Variants in ZNF226 observed in about 807,000 individuals in gnomAD.
The protein encoded by ZNF226 is zinc finger protein 226, also known as Kruppel-associated box protein.
A neutral mutation model predicts 11.4 loss-of-function variants in ZNF226; 6 were observed. The ratio of observed to expected loss-of-function variants is 0.53; its 90% CI spans 0.29 to 1.04. The LOEUF (loss-of-function observed/expected upper bound fraction) is 1.04. Ranked by LOEUF, ZNF226 falls within the 50% of genes least tolerant of loss-of-function variation. The pLI, the probability that ZNF226 is intolerant of heterozygous loss-of-function variation, is 0.08. For missense variants in ZNF226, 1,058 were observed against 956.5 expected, an observed-to-expected ratio of 1.11 and a Z score of -1.40; for synonymous variants, 350 against 322.8, an observed-to-expected ratio of 1.08 and a Z score of -0.90.
chr19:44,172,349 G>T, intron 4 of ZNF226, 135 bp downstream of exon 4: 1 of 1,213,756 alleles, frequency 8.2e-7, no homozygotes, highest in Non-Finnish European at 1.1e-6. Context: ...GGATGTTTCT[G>T]GTCTTTCTGA....
Position 44,177,157 on chromosome 19 carries a change from C to T in ZNF226, c.1895C>T (p.Ala632Val), listed in dbSNP as rs1599739671. The T allele has an allele frequency of 1.9e-6, 3 of 1,612,520 alleles. No individual in the cohort carries two copies. Among genetic ancestry groups the T allele is most frequent in the Non-Finnish European group, 2.5e-6 (3 of 1,179,644 alleles). The change falls in exon 6 of 6, where the codon GCC (alanine) becomes GTC (valine). Residue 632 changes from alanine to valine, a missense_variant. Ala to Val is a moderately conservative substitution (Grantham distance 64). Coordinates refer to ENST00000337433, the MANE Select transcript of ZNF226 (RefSeq NM_001032373.2). Reference sequence around the variant, plus strand: ...TTCAGGCAGGCCTCAAATCTTTTGGCCCATCAGAGAGTCCACAGTGGAGAA... The same window carrying T: ...TTCAGGCAGGCCTCAAATCTTTTGGTCCATCAGAGAGTCCACAGTGGAGAA... The part of the protein sequence containing the change: ...KVFRQASNLL[A>V]HQRVHSGEKP...
the ZNF226 span, among the ~76,000 whole-genome samples, chr19:44,185,246 A>C: frequency 6.6e-6 from 1 of 152,244 alleles, no homozygotes; most frequent in South Asian, 2.1e-4. Context: ...TCCTGCTTTG[A>C]GTTCTTTTGG....
the ZNF226 span, among the ~76,000 whole-genome samples, chr19:44,187,612 T>C: frequency 6.6e-6 from 1 of 151,944 alleles, no homozygotes; most frequent in South Asian, 2.1e-4. This position sits in a 1 kb window ranked among gnomAD's most constrained non-coding sequence, Gnocchi z 4.0. Context: ...TTAAAAGTTA[T>C]TTTCTTCTCT....
Position 44,176,982 on chromosome 19 carries a change from C to T in ZNF226, c.1720C>T (p.Leu574Phe), listed in dbSNP as rs1970747128. Reference protein sequence around the residue: ...CGQGFNQSSRLQIHQLIHTGE... With the variant: ...CGQGFNQSSRFQIHQLIHTGE... The stretch of plus-strand genomic sequence containing the variant: ...GCAGGGTTTCAATCAGAGCTCACGA[C>T]TTCAGATTCACCAGCTGATCCATAC... The change falls in exon 6 of 6, where the codon CTT becomes TTT. Residue 574 changes from leucine to phenylalanine, a missense_variant. Coordinates refer to ENST00000337433, the MANE Select transcript of ZNF226 (RefSeq NM_001032373.2). 9.3e-6 allele frequency: 15 copies of T among 1,613,976 alleles called. No individual in the cohort carries two copies. Among genetic ancestry groups the T allele is most frequent in the Non-Finnish European group, 1.1e-5 (13 of 1,179,876 alleles).
Position 44,172,843 on chromosome 19 carries a change from A to G in ZNF226, c.143-17A>G, listed in dbSNP as rs764085590. On this transcript the variant is annotated splice_polypyrimidine_tract_variant and intron_variant, in intron 4 of 5. Transcript: ENST00000337433. The stretch of plus-strand genomic sequence containing the variant: ...CTAATATGTTCATTTTCAACTTGTG[A>G]TTTGGCATTTTCACAGGGCATCCAC... The G allele has an allele frequency of 1.9e-6, 3 of 1,580,112 alleles. No homozygotes were observed. Among genetic ancestry groups the G allele is most frequent in the Non-Finnish European group, 2.6e-6 (3 of 1,161,480 alleles).
In ZNF226 at chr19:44,176,263, C is replaced by T. The variant is rs1568571981; in HGVS notation, c.1001C>T (p.Pro334Leu). The T allele has an allele frequency of 6.2e-7, 1 of 1,614,154 alleles. No homozygotes were observed. ...THQKVHVIEK[P>L]YKCKQCGKGF... ...CAGAAAGTCCACGTGATAGAGAAAC[C>T]ATACAAATGTAAGCAATGTGGGAAA... is the stretch of plus-strand genomic sequence containing the variant. The change falls in exon 6 of 6, where the codon CCA (proline) becomes CTA (leucine). Residue 334 changes from proline to leucine, a missense_variant. Coordinates refer to ENST00000337433, the MANE Select transcript of ZNF226 (RefSeq NM_001032373.2).
intron 3 of ZNF226, among the ~76,000 whole-genome samples, 172 bp downstream of exon 3, chr19:44,170,267 C>T (rs975373197): frequency 2.0e-5 from 3 of 152,012 alleles, no homozygotes; most frequent in African/African-American, 2.4e-5. Flanking sequence ...AGTTTTATTT[C>T]GTCATTTTTA....
Position 44,176,681 on chromosome 19 carries a change from GTCA to G in ZNF226, c.1421_1423del (p.Ser474del). 6.2e-7 allele frequency: 1 copy of G among 1,613,696 alleles called. No individual in the cohort carries two copies. The highest frequency in any genetic ancestry group is 8.5e-7 in the Non-Finnish European group (1 of 1,179,938). On this transcript the variant is annotated inframe_deletion, in exon 6 of 6. Transcript: ENST00000337433. ...ATCAGGGAGTTCACACTGGAGAGAA[GTCA>G]TACATATGTACTGTATGTGGGAAAG...
chr19:44,166,204 C>CT (rs1568561037), intron 2 of ZNF226, among the ~76,000 whole-genome samples: 1 of 152,058 alleles, frequency 6.6e-6, no homozygotes, highest in Admixed American at 6.6e-5. Context: ...TATTCTATGA[C>CT]TTTTAAAAAA....
Position 44,172,893 on chromosome 19 carries a change from T to C in ZNF226, c.176T>C (p.Ile59Thr). The change falls in exon 5 of 6, where the codon ATA becomes ACA. Residue 59 changes from isoleucine to threonine, a missense_variant. Coordinates refer to ENST00000337433, the MANE Select transcript of ZNF226 (RefSeq NM_001032373.2). ...HPPFKQDVSPIERNEQLWIMT... is the reference protein window; with the variant it reads ...HPPFKQDVSPTERNEQLWIMT... The stretch of plus-strand genomic sequence containing the variant: ...CCCTTCAAACAAGATGTATCACCTA[T>C]AGAAAGAAATGAGCAGCTTTGGATA... The C allele has an allele frequency of 6.2e-7, 1 of 1,606,210 alleles. No homozygotes were observed. Among genetic ancestry groups the C allele is most frequent in the Non-Finnish European group, 8.5e-7 (1 of 1,176,318 alleles).
chr19:44,186,551 A>G, the ZNF226 span, among the ~76,000 whole-genome samples: 1 of 152,114 alleles, frequency 6.6e-6, no homozygotes, highest in East Asian at 1.9e-4. Flanking sequence ...CTAACTTTGT[A>G]TCTTGCAACT....
In ZNF226 at chr19:44,176,107, G is replaced by C. The variant is rs1250551319; in HGVS notation, c.845G>C (p.Cys282Ser). The C allele has an allele frequency of 1.2e-6, 2 of 1,614,030 alleles. No homozygotes were observed. Among genetic ancestry groups the C allele is most frequent in the African/African-American group, 1.3e-5 (1 of 74,912 alleles). Residue 282 changes from cysteine (C) to serine (S), a missense_variant, in exon 6 of 6, where the codon TGT (cysteine) becomes TCT (serine). Transcript: ENST00000337433. ...QLQSGEKSLT[C>S]VERGKGFCYS... is the part of the protein sequence containing the mutation. The stretch of plus-strand genomic sequence containing the variant: ...CAATCAGGAGAGAAGTCTCTTACAT[G>C]TGTTGAGCGTGGAAAAGGCTTCTGT...
chr19:44,182,890 T>A (rs536027828), downstream of ZNF226, among the ~76,000 whole-genome samples: 4 of 152,324 alleles, frequency 2.6e-5, no homozygotes, highest in South Asian at 8.3e-4. Context: ...ACTGAATCCC[T>A]GCTTGATTTG....
chr19:44,175,220 A>G, intron 5 of ZNF226: 3 of 1,403,220 alleles, frequency 2.1e-6, no homozygotes, highest in Non-Finnish European at 2.8e-6. Context: ...TTATGGTAGG[A>G]AAGACATGGA....
chr19:44,191,223 C>A, the ZNF226 span, among the ~76,000 whole-genome samples: 3 of 152,114 alleles, frequency 2.0e-5, no homozygotes, highest in South Asian at 6.2e-4. Flanking sequence ...ATTGCAGATA[C>A]CTTTAGAGAA....
At chr19:44,190,586 C>T in the ZNF226 span, among the ~76,000 whole-genome samples, 10 of 152,078 alleles carry the variant, frequency 6.6e-5, no homozygotes, top group South Asian at 2.1e-4. Context: ...CCGCCCGCCT[C>T]GGCCTCCCAA....
the ZNF226 span, among the ~76,000 whole-genome samples, chr19:44,192,118 T>A: frequency 6.6e-6 from 1 of 152,202 alleles, no homozygotes; most frequent in Non-Finnish European, 1.5e-5. Context: ...AGTAAAAGAA[T>A]GTGGAATTTA....
downstream of ZNF226, among the ~76,000 whole-genome samples, chr19:44,181,094 C>T (rs1970900263): frequency 6.6e-6 from 1 of 152,188 alleles, no homozygotes; most frequent in Non-Finnish European, 1.5e-5. Flanking sequence ...CAAGTTTCAA[C>T]TCAGCCAGGT....
intron 2 of ZNF226, among the ~76,000 whole-genome samples, chr19:44,168,247 G>GT (rs71171212): frequency 3.7e-4 from 54 of 146,860 alleles, no homozygotes; most frequent in Middle Eastern, 6.9e-3. Context: ...TTTTTGTTTT[G>GT]TTTTTTTTTT....
Sources: gnomAD v4.1 joint callset for allele counts (sites outside exome capture counted in the v4.1 genomes callset) on GRCh38, gnomAD v4.1.1 for gene constraint, Gnocchi (gnomAD v3.1) non-coding constraint, MANE v1.5 for transcripts, NCBI Gene and HGNC (gene_info 2026-07-23, HGNC 2026-07-21) for gene names.